The following RFC1 variants were observed in gnomAD, a reference collection of about 807,000 sequenced individuals.
RFC1 encodes A1 140 kDa subunit.
A neutral mutation model predicts 137.4 loss-of-function variants in RFC1; 37 were observed. The observed-to-expected ratio is 0.27, with a 90% CI of 0.21 to 0.35. The LOEUF (loss-of-function observed/expected upper bound fraction) is 0.35, where lower values mean the gene tolerates loss of function less well. RFC1 is among the 10% of genes least tolerant of loss of function. The pLI is 1.00. For missense variants in RFC1, 1,205 were observed against 1,358.5 expected, an observed-to-expected ratio of 0.89 and a Z score of 1.78; for synonymous variants, 429 against 455.7, an observed-to-expected ratio of 0.94 and a Z score of 0.75.
intron 6 of RFC1, among the ~76,000 whole-genome samples, chr4:39,326,333 T>C (rs1000526277): frequency 4.6e-5 from 7 of 152,250 alleles, no homozygotes; most frequent in Non-Finnish European, 1.5e-5. Flanking sequence ...TAGCCATTTC[T>C]TCAAAATCAT....
At chr4:39,356,000 C>CA (rs34018537) in intron 1 of RFC1, 1,446 of 84,400 alleles carry the variant, frequency 0.017, 45 homozygotes, top group African/African-American at 0.069. Flanking sequence ...GACTTCACCT[C>CA]AAAAAAAAAA....
intron 22 of RFC1, chr4:39,292,090 T>C: frequency 2.1e-6 from 1 of 486,516 alleles, no homozygotes; most frequent in South Asian, 3.0e-5. Flanking sequence ...CATCAGTGAC[T>C]GAAAAACATA....
intron 4 of RFC1, among the ~76,000 whole-genome samples, chr4:39,328,004 T>C (rs1030939778): frequency 6.6e-6 from 1 of 152,044 alleles, no homozygotes; most frequent in Non-Finnish European, 1.5e-5. Context: ...GGCATGGTGG[T>C]ACACACCTGT....
At chr4:39,304,107 T>C (rs1738511565) in intron 15 of RFC1, among the ~76,000 whole-genome samples, 2 of 152,198 alleles carry the variant, frequency 1.3e-5, no homozygotes, top group African/African-American at 4.8e-5. Context: ...GAGTGACATT[T>C]CCTGAGCAAA....
At chr4:39,327,056 C>G (rs1739808468) in intron 5 of RFC1, among the ~76,000 whole-genome samples, 2 of 152,140 alleles carry the variant, frequency 1.3e-5, no homozygotes, top group Non-Finnish European at 2.9e-5. Flanking sequence ...CAGGGGACTA[C>G]TTTCACCATA....
At chr4:39,295,874 T>C in intron 21 of RFC1, 115 bp from the exon 22 acceptor site, 2 of 887,452 alleles carry the variant, frequency 2.3e-6, no homozygotes, top group Non-Finnish European at 3.4e-6. Context: ...ACCAAATACC[T>C]ACCTACAGGG....
At chr4:39,339,268 G>A (rs1740500451) in intron 4 of RFC1, among the ~76,000 whole-genome samples, 1 of 152,126 alleles carries the variant, frequency 6.6e-6, no homozygotes, top group African/African-American at 2.4e-5. Context: ...GCCCAGAAGA[G>A]AGACTGCTGG....
intron 4 of RFC1, chr4:39,341,757 A>G: frequency 9.3e-6 from 4 of 429,664 alleles, no homozygotes; most frequent in South Asian, 6.5e-5. Context: ...TGGGATCCTT[A>G]CATAAAAGAA....
intron 1 of RFC1, 119 bp from the exon 2 acceptor site, chr4:39,351,595 C>A (rs779266585): frequency 2.6e-6 from 2 of 774,298 alleles, no homozygotes; most frequent in Non-Finnish European, 1.9e-6. Flanking sequence ...TTTTTCCATA[C>A]CAAGATAGTT....
intron 1 of RFC1, among the ~76,000 whole-genome samples, chr4:39,363,865 T>C (rs1283256310): frequency 7.0e-6 from 1 of 142,206 alleles, no homozygotes; most frequent in Non-Finnish European, 1.5e-5. Flanking sequence ...CACTCCAGCC[T>C]GGGCAAAACA....
At position 39,288,065 on chromosome 4, in the gene RFC1, C is replaced by T. The variant is rs1361315584; in HGVS notation, c.*696G>A. ...GCTGGGAATCCGAGTTCTGACTCCT[C>T]GACTGCCAATGTTATGTTTCACACA... is the stretch of plus-strand genomic sequence containing the variant. On this transcript the variant is annotated 3_prime_UTR_variant, in exon 25 of 25. Coordinates refer to ENST00000349703, the MANE Select transcript of RFC1 (RefSeq NM_002913.5). 1 of 152,176 alleles carries T rather than the reference C, an allele frequency of 6.6e-6. No homozygotes were observed. The highest frequency in any genetic ancestry group is 1.5e-5 in the Non-Finnish European group (1 of 68,042). 9.4% of individuals were successfully genotyped at this position (152,176 alleles called of 1,614,324 possible).
At chr4:39,306,487 A>AT in intron 14 of RFC1, 105 bp downstream of exon 14, 1 of 458,992 alleles carries the variant, frequency 2.2e-6, no homozygotes, top group East Asian at 3.7e-5. Flanking sequence ...ATATATAGAC[A>AT]CCACACACAC....
Position 39,349,628 on chromosome 4 carries a change from C to A in RFC1, c.132+1720G>T, listed in dbSNP as rs1284228626. Among the ~76,000 whole-genome samples the A allele has an allele frequency of 2.0e-5, 3 of 152,278 alleles. No homozygotes were observed. In the East Asian group the frequency reaches 5.8e-4, roughly 29 times the overall value. On this transcript the variant is annotated intron_variant, in intron 2 of 24. Transcript: ENST00000349703. ...CATGGTGGCCTGAACTAACACATGACCCAAAGAATCAGGACAAAAGGCATT... is the reference window on the plus strand; with the variant it reads ...CATGGTGGCCTGAACTAACACATGAACCAAAGAATCAGGACAAAAGGCATT...
At chr4:39,333,009 T>C (rs1283892111) in intron 4 of RFC1, among the ~76,000 whole-genome samples, 1 of 152,196 alleles carries the variant, frequency 6.6e-6, no homozygotes, top group African/African-American at 2.4e-5. Flanking sequence ...CACCTAGCCA[T>C]GTTACAGCCA....
rs761587788 is a variant in RFC1 at position 39,288,029 on chromosome 4, G to C, written c.*732C>G. The C allele has an allele frequency of 3.9e-5, 6 of 152,228 alleles. No homozygotes were observed. The highest frequency in any genetic ancestry group is 9.7e-5 in the African/African-American group (4 of 41,450). 9.4% of individuals were successfully genotyped at this position (152,228 alleles called of 1,614,324 possible). On this transcript the variant is annotated 3_prime_UTR_variant, in exon 25 of 25. Transcript: ENST00000349703. ...AGCAGAGACGTGGTCAACACACACAGAGGGAGTGAGGCTGGGAATCCGAGT... is the reference window on the plus strand; with the variant it reads ...AGCAGAGACGTGGTCAACACACACACAGGGAGTGAGGCTGGGAATCCGAGT...
chr4:39,305,563 G>T (rs771790548), intron 14 of RFC1, among the ~76,000 whole-genome samples: 6 of 152,046 alleles, frequency 3.9e-5, no homozygotes, highest in African/African-American at 4.8e-5. Flanking sequence ...AACCGAGACC[G>T]TGCCATTACA....
intron 4 of RFC1, among the ~76,000 whole-genome samples, chr4:39,336,611 G>A (rs1740365713): frequency 6.6e-6 from 1 of 152,260 alleles, no homozygotes; most frequent in Non-Finnish European, 1.5e-5. Flanking sequence ...TCTCTGTCCT[G>A]TGCATTGCGG....
chr4:39,353,826 T>A (rs1423032537), intron 1 of RFC1, among the ~76,000 whole-genome samples: 1 of 152,232 alleles, frequency 6.6e-6, no homozygotes, highest in Non-Finnish European at 1.5e-5. Context: ...ATAGTGCATG[T>A]GTGCCATGGA....
intron 6 of RFC1, 62 bp downstream of exon 6, chr4:39,326,501 G>T: frequency 7.4e-7 from 1 of 1,346,414 alleles, no homozygotes; most frequent in Non-Finnish European, 1.1e-6. Flanking sequence ...TCAAAACCTG[G>T]CTGGACTAAA....
Sources: allele counts gnomAD v4.1 joint callset (sites outside exome capture counted in the v4.1 genomes callset), GRCh38; gene constraint gnomAD v4.1.1; transcripts MANE v1.5; gene names NCBI Gene and HGNC (gene_info 2026-07-23, HGNC 2026-07-21).